ATXN10: variants seen among roughly 807,000 people sequenced by gnomAD.
ATXN10 encodes the protein ataxin 10.
In ATXN10, 28 loss-of-function variants were observed where a neutral mutation model predicts 52.9. The observed-to-expected ratio is 0.53, with a 90% CI of 0.39 to 0.73. The LOEUF is 0.73. Among genes scored for constraint, ATXN10 ranks in the 30% least tolerant of loss-of-function variants. The pLI, the probability that ATXN10 is intolerant of heterozygous loss-of-function variation, is 0.00. For missense variants in ATXN10, 565 were observed against 577.0 expected, an observed-to-expected ratio of 0.98 and a Z score of 0.21; for synonymous variants, 226 against 221.5, an observed-to-expected ratio of 1.02 and a Z score of -0.18.
At chr22:45,685,199 G>A (rs1201436802) in intron 1 of ATXN10, among the ~76,000 whole-genome samples, 2 of 151,742 alleles carry the variant, frequency 1.3e-5, no homozygotes, top group Non-Finnish European at 2.9e-5. Flanking sequence ...ATAATCACAG[G>A]TAGTTTTCTT....
chr22:45,755,269 CT>C (rs1311900915), intron 9 of ATXN10, among the ~76,000 whole-genome samples: 1 of 152,224 alleles, frequency 6.6e-6, no homozygotes, highest in Non-Finnish European at 1.5e-5. Flanking sequence ...AGGAATTCCA[CT>C]TTTAACTTTT....
intron 10 of ATXN10, among the ~76,000 whole-genome samples, chr22:45,822,234 G>A (rs1217490291): frequency 3.3e-5 from 5 of 152,104 alleles, no homozygotes; most frequent in African/African-American, 2.4e-5. Context: ...TTTCCACTTT[G>A]GGGCTATTAC....
Position 45,786,085 on chromosome 22 carries a change from A to G in ATXN10, c.1174-20874A>G, listed in dbSNP as rs1227135498. Among the ~76,000 whole-genome samples the G allele has an allele frequency of 6.6e-6, 1 of 152,226 alleles. No homozygotes were observed. Among genetic ancestry groups the G allele is most frequent in the Non-Finnish European group, 1.5e-5 (1 of 68,048 alleles). On this transcript the variant is annotated intron_variant, in intron 9 of 11. Transcript: ENST00000252934. This position sits in a 1 kb window ranked among gnomAD's most constrained non-coding sequence, Gnocchi z 4.1. The stretch of plus-strand genomic sequence containing the variant: ...AACAAAGATTTTATCTGCTAGTTGA[A>G]TAATTCATGAGAAAATTGCACTAAA...
chr22:45,694,477 C>G (rs1010326671), intron 3 of ATXN10, among the ~76,000 whole-genome samples: 1 of 151,714 alleles, frequency 6.6e-6, no homozygotes, highest in Admixed American at 6.6e-5. Flanking sequence ...CATGGTGAAA[C>G]CCCGTTTCCA....
rs145232259 is a variant in ATXN10, at chr22:45,828,951, C to T, written c.1238-14040C>T. Among the ~76,000 whole-genome samples the T allele has an allele frequency of 6.6e-6, 1 of 152,126 alleles. No homozygotes were observed. The highest frequency in any genetic ancestry group is 6.5e-5 in the Admixed American group (1 of 15,272). On this transcript the variant is annotated intron_variant, in intron 10 of 11. Coordinates refer to ENST00000252934, the MANE Select transcript of ATXN10 (RefSeq NM_013236.4). This position sits in a 1 kb window ranked among gnomAD's most constrained non-coding sequence, Gnocchi z 4.5. Reference sequence around the variant, plus strand: ...CCCTGGTACAAAAGCTAGACAGAGACACTACAAGAAAACTAAAGACCAACA... The same window carrying T: ...CCCTGGTACAAAAGCTAGACAGAGATACTACAAGAAAACTAAAGACCAACA...
At chr22:45,758,158 C>T (rs535128556) in intron 9 of ATXN10, among the ~76,000 whole-genome samples, 7 of 152,332 alleles carry the variant, frequency 4.6e-5, no homozygotes, top group South Asian at 4.2e-4. Flanking sequence ...CCGCAGCTCC[C>T]GCCTGACGTT....
chr22:45,672,348 C>T, intron 1 of ATXN10, 169 bp downstream of exon 1: 1 of 714,534 alleles, frequency 1.4e-6, no homozygotes. Flanking sequence ...CCAGGCACCG[C>T]CTCGTGCTCG....
intron 3 of ATXN10, among the ~76,000 whole-genome samples, chr22:45,694,534 C>T (rs112258382): frequency 5.1e-4 from 77 of 152,022 alleles, no homozygotes; most frequent in African/African-American, 1.8e-3. Flanking sequence ...GTAATCCCAG[C>T]ACTTTGGGAG....
rs377167370 is a variant in ATXN10 at position 45,695,467 on chromosome 22, A to G, written c.391+2389A>G. On this transcript the variant is annotated intron_variant, in intron 3 of 11. Coordinates refer to ENST00000252934, the MANE Select transcript of ATXN10 (RefSeq NM_013236.4). ...TTTTATATACAGTTTTAATGCCTGT[A>G]CTTTGCATATAACATGAGGCATATT... is the stretch of plus-strand genomic sequence containing the variant. Among the ~76,000 whole-genome samples, 17 of 151,464 alleles carry G rather than the reference A, an allele frequency of 1.1e-4. No individual in the cohort carries two copies. The South Asian group carries it at 2.9e-3, about 26-fold the overall frequency.
chr22:45,749,147 A>T (rs1925848418), intron 9 of ATXN10, among the ~76,000 whole-genome samples: 1 of 152,064 alleles, frequency 6.6e-6, no homozygotes, highest in African/African-American at 2.4e-5. Context: ...TCATCGTGGA[A>T]TTCCTACCAC....
At chr22:45,753,786 C>T (rs1469071418) in intron 9 of ATXN10, among the ~76,000 whole-genome samples, 1 of 152,102 alleles carries the variant, frequency 6.6e-6, no homozygotes, top group Non-Finnish European at 1.5e-5. Flanking sequence ...CAGTAGCTGC[C>T]TGTGATAATG....
At chr22:45,806,138 C>T (rs1000390744) in intron 9 of ATXN10, among the ~76,000 whole-genome samples, 1 of 152,206 alleles carries the variant, frequency 6.6e-6, no homozygotes, top group African/African-American at 2.4e-5. Flanking sequence ...TGCTTACACC[C>T]AGTTCCCTTT....
At chr22:45,679,935 G>A (rs951962062) in intron 1 of ATXN10, 14 of 152,248 alleles carry the variant, frequency 9.2e-5, no homozygotes, top group African/African-American at 3.1e-4. Context: ...AAAACCAATC[G>A]AAATAAATAA....
rs1237805345 is a variant in ATXN10, at chr22:45,790,895, C to T, written c.1174-16064C>T. On this transcript the variant is annotated intron_variant, in intron 9 of 11. Transcript: ENST00000252934. This position sits in a 1 kb window ranked among gnomAD's most constrained non-coding sequence, Gnocchi z 4.7. ...AGCCTCTCTCTCCCTCTCTCTGTCG[C>T]CCAATCTGCAGTGCAGTGGCACAGA... Among the ~76,000 whole-genome samples the T allele has an allele frequency of 6.6e-6, 1 of 152,136 alleles. No homozygotes were observed. Among genetic ancestry groups the T allele is most frequent in the East Asian group, 1.9e-4 (1 of 5,200 alleles).
At chr22:45,797,393 A>G (rs984728728) in intron 9 of ATXN10, among the ~76,000 whole-genome samples, 2 of 152,258 alleles carry the variant, frequency 1.3e-5, no homozygotes, top group African/African-American at 4.8e-5. Context: ...ATTATAAGTT[A>G]AAACTATAAA....
rs1923829260 is a variant in ATXN10, at chr22:45,701,171, G to A, written c.488+793G>A. Among the ~76,000 whole-genome samples, 1 of 152,186 alleles carries A rather than the reference G, an allele frequency of 6.6e-6. No homozygotes were observed. Among genetic ancestry groups the A allele is most frequent in the Non-Finnish European group, 1.5e-5 (1 of 68,030 alleles). On this transcript the variant is annotated intron_variant, in intron 4 of 11. Transcript: ENST00000252934. The surrounding 1 kb of genome is among the most constrained non-coding windows in gnomAD (Gnocchi z 4.2). ...TAAGCAGCACAGCAGGGTAGCAGCT[G>A]TTGTGTACATACCCTGAACTGGGCA...
intron 10 of ATXN10, among the ~76,000 whole-genome samples, chr22:45,807,965 G>A (rs1459088579): frequency 2.0e-5 from 3 of 152,218 alleles, no homozygotes; most frequent in African/African-American, 4.8e-5. Flanking sequence ...AAAATCATGT[G>A]TTTCAAAGTA....
In ATXN10 at chr22:45,820,890, A is replaced by G. The variant is rs1398527810; in HGVS notation, c.1237+13868A>G. Among the ~76,000 whole-genome samples, 1 of 152,256 alleles carries G rather than the reference A, an allele frequency of 6.6e-6. No individual in the cohort carries two copies. Among genetic ancestry groups the G allele is most frequent in the African/African-American group, 2.4e-5 (1 of 41,474 alleles). On this transcript the variant is annotated intron_variant, in intron 10 of 11. Coordinates refer to ENST00000252934, the MANE Select transcript of ATXN10 (RefSeq NM_013236.4). The surrounding 1 kb of genome is among the most constrained non-coding windows in gnomAD (Gnocchi z 4.9). ...CTGTGAAAGAGCCTCAGTGGTGGAC[A>G]GAAGCCAGGGAAAAGCACGAATAGA...
Position 45,757,266 on chromosome 22 carries a change from G to A in ATXN10, c.1173+16728G>A, listed in dbSNP as rs117011504. Among the ~76,000 whole-genome samples, 982 of 152,278 alleles carry A rather than the reference G, an allele frequency of 6.4e-3. 7 individuals are homozygous for A. The highest frequency in any genetic ancestry group is 0.015 in the South Asian group (71 of 4,818). ...TTTGCCTGTTGGAATTCCAACCCTGGCGACTTTCAGCTACACCCTCCTCCC... is the reference window on the plus strand; with the variant it reads ...TTTGCCTGTTGGAATTCCAACCCTGACGACTTTCAGCTACACCCTCCTCCC... On this transcript the variant is annotated intron_variant, in intron 9 of 11. Transcript: ENST00000252934. The surrounding 1 kb of genome is among the most constrained non-coding windows in gnomAD (Gnocchi z 4.6).
Sources: allele counts gnomAD v4.1 joint callset (sites outside exome capture counted in the v4.1 genomes callset), GRCh38; gene constraint gnomAD v4.1.1; non-coding constraint Gnocchi (gnomAD v3.1); transcripts MANE v1.5; gene names NCBI Gene and HGNC (gene_info 2026-07-23, HGNC 2026-07-21).